Variants in COPZ1 observed in about 807,000 individuals in gnomAD.
COPZ1 encodes the protein coat protein complex I subunit zeta 1.
Under a neutral mutation model 31.7 loss-of-function variants are expected in COPZ1, and 4 were observed. The ratio of observed to expected loss-of-function variants is 0.13; its 90% CI spans 0.06 to 0.29. The LOEUF (loss-of-function observed/expected upper bound fraction) is 0.29. Ranked by LOEUF, COPZ1 falls within the 10% of genes least tolerant of loss-of-function variation. The pLI is 1.00. For missense variants in COPZ1, 156 were observed against 211.5 expected, an observed-to-expected ratio of 0.74 and a Z score of 1.63; for synonymous variants, 74 against 79.0, an observed-to-expected ratio of 0.94 and a Z score of 0.33.
chr12:54,326,096 C>T (rs1227705907), intron 1 of COPZ1, among the ~76,000 whole-genome samples: 1 of 149,168 alleles, frequency 6.7e-6, no homozygotes, highest in Non-Finnish European at 1.5e-5. Context: ...GCTAGGATTA[C>T]AGGCTTGAAC....
rs376248735 is a variant in COPZ1, at chr12:54,343,292, G to T, written c.237G>T (p.Val79=). The T allele has an allele frequency of 2.5e-6, 4 of 1,613,624 alleles. No homozygotes were observed. The highest frequency in any genetic ancestry group is 3.4e-6 in the Non-Finnish European group (4 of 1,179,708). ...GCAGTATAGATCTCTATTTCTATGT[G>T]ATTGGCAGCTCCTATGAAAATGAGG... ...YKSSIDLYFY[V]IGSSYENELM... Residue 79 remains valine, a synonymous_variant, in exon 4 of 9, where the codon GTG becomes GTT. Transcript: ENST00000262061.
rs1348588149 is a variant in COPZ1, at chr12:54,331,586, G to A, written c.18+6405G>A. ...TTTCTGTTGTGTGGTTTTAGAGGGA[G>A]ACTAAAACCAGAGGAGAATAGAGCA... On this transcript the variant is annotated intron_variant, in intron 1 of 8. Transcript: ENST00000262061. Among the ~76,000 whole-genome samples, 4 of 152,140 alleles carry A rather than the reference G, an allele frequency of 2.6e-5. No individual in the cohort carries two copies. The East Asian group carries it at 7.7e-4, about 29-fold the overall frequency.
At chr12:54,348,424 A>G (rs1207025287) in intron 7 of COPZ1, among the ~76,000 whole-genome samples, 2 of 152,120 alleles carry the variant, frequency 1.3e-5, no homozygotes, top group African/African-American at 4.8e-5. Flanking sequence ...GAGGCAGAGG[A>G]GTGTCTGTTT....
At chr12:54,347,878 G>A (rs1954091790) in intron 6 of COPZ1, 34 bp downstream of exon 6, 3 of 1,611,080 alleles carry the variant, frequency 1.9e-6, no homozygotes, top group African/African-American at 2.7e-5. Flanking sequence ...TCTTGGGTGA[G>A]GTGGCGGGAT....
At chr12:54,334,214 C>T (rs987640147) in intron 1 of COPZ1, among the ~76,000 whole-genome samples, 4 of 151,366 alleles carry the variant, frequency 2.6e-5, no homozygotes, top group Non-Finnish European at 4.4e-5. Context: ...GCCAACATGG[C>T]GAAACCCCGT....
At chr12:54,336,661 C>T (rs992700157) in intron 1 of COPZ1, among the ~76,000 whole-genome samples, 1 of 151,666 alleles carries the variant, frequency 6.6e-6, no homozygotes, top group African/African-American at 2.4e-5. Context: ...TGACTCTTTC[C>T]CTCTAGTCCT....
chr12:54,328,275 CAAAA>C (rs35785237), intron 1 of COPZ1, among the ~76,000 whole-genome samples: 1 of 111,630 alleles, frequency 9.0e-6, no homozygotes. Flanking sequence ...GACTCCATCT[CAAAA>C]AAAAAAAAAA....
intron 1 of COPZ1, among the ~76,000 whole-genome samples, chr12:54,333,629 A>C: frequency 6.6e-6 from 1 of 152,092 alleles, no homozygotes; most frequent in Non-Finnish European, 1.5e-5. Flanking sequence ...CCTTGAGCCC[A>C]GGAGTTCAGG....
intron 1 of COPZ1, among the ~76,000 whole-genome samples, chr12:54,334,480 C>A (rs1014984028): frequency 2.0e-5 from 3 of 152,006 alleles, no homozygotes; most frequent in Non-Finnish European, 2.9e-5. Flanking sequence ...GCTAATTCTT[C>A]TTTTCTTTTC....
At chr12:54,332,026 T>TA (rs1371499144) in intron 1 of COPZ1, among the ~76,000 whole-genome samples, 1 of 151,954 alleles carries the variant, frequency 6.6e-6, no homozygotes, top group Non-Finnish European at 1.5e-5. Context: ...GACCCCTGGG[T>TA]AAAAAATCCT....
intron 4 of COPZ1, among the ~76,000 whole-genome samples, chr12:54,344,261 G>A (rs1954022632): frequency 6.6e-6 from 1 of 151,848 alleles, no homozygotes. Flanking sequence ...GACCAGGCTG[G>A]CCAACATGGC....
intron 2 of COPZ1, among the ~76,000 whole-genome samples, chr12:54,341,984 T>C (rs753144533): frequency 5.0e-4 from 76 of 152,164 alleles, no homozygotes; most frequent in Non-Finnish European, 9.4e-4. Context: ...GTCTTGGAAA[T>C]GTGAGGTGGG....
chr12:54,334,781 C>G (rs554456216), intron 1 of COPZ1, among the ~76,000 whole-genome samples: 1 of 151,902 alleles, frequency 6.6e-6, no homozygotes, highest in Non-Finnish European at 1.5e-5. Flanking sequence ...GGCGTGAACC[C>G]GGGAGGCAGA....
At chr12:54,329,364 A>G (rs1056597542) in intron 1 of COPZ1, among the ~76,000 whole-genome samples, 2 of 152,026 alleles carry the variant, frequency 1.3e-5, no homozygotes, top group African/African-American at 4.8e-5. Flanking sequence ...TGAGTGGATC[A>G]CCTGAGGTCA....
At chr12:54,337,407 G>A in intron 1 of COPZ1, 1 of 446,964 alleles carries the variant, frequency 2.2e-6, no homozygotes, top group South Asian at 1.7e-5. Flanking sequence ...TCAACAGTCA[G>A]CATTTAATGT....
chr12:54,325,345 G>A, intron 1 of COPZ1, 164 bp downstream of exon 1: 2 of 986,888 alleles, frequency 2.0e-6, no homozygotes, highest in Non-Finnish European at 2.9e-6. Context: ...AGGAGCTAAA[G>A]CCTTGGTTTA....
chr12:54,339,274 AAAAG>A (rs1272078574), intron 1 of COPZ1, among the ~76,000 whole-genome samples: 4 of 151,790 alleles, frequency 2.6e-5, no homozygotes, highest in Non-Finnish European at 1.5e-5. Context: ...AAAAAAAAAA[AAAAG>A]AAAGTCAAGG....
At chr12:54,335,803 C>T (rs1209620371) in intron 1 of COPZ1, among the ~76,000 whole-genome samples, 1 of 152,042 alleles carries the variant, frequency 6.6e-6, no homozygotes, top group African/African-American at 2.4e-5. Flanking sequence ...TCCTGAGTAG[C>T]TGAGACTACA....
intron 6 of COPZ1, 45 bp downstream of exon 6, chr12:54,347,889 A>G: frequency 6.2e-7 from 1 of 1,606,820 alleles, no homozygotes; most frequent in Non-Finnish European, 8.5e-7. Flanking sequence ...GTGGCGGGAT[A>G]ACTGCCCCTG....
Sources: allele counts gnomAD v4.1 joint callset (sites outside exome capture counted in the v4.1 genomes callset), GRCh38; gene constraint gnomAD v4.1.1; transcripts MANE v1.5; gene names NCBI Gene and HGNC (gene_info 2026-07-23, HGNC 2026-07-21).